CCDC191: variants seen among roughly 807,000 people sequenced by gnomAD.
CCDC191 encodes the protein coiled-coil domain-containing protein 191.
In CCDC191, 99 loss-of-function variants were observed where a neutral mutation model predicts 114.0. The ratio of observed to expected loss-of-function variants is 0.87; its 90% CI spans 0.74 to 1.03. The LOEUF is 1.03. Among genes scored for constraint, CCDC191 ranks in the 50% least tolerant of loss-of-function variants. CCDC191 has a pLI of 0.00. For missense variants in CCDC191, 973 were observed against 1,087.0 expected, an observed-to-expected ratio of 0.90 and a Z score of 1.47; for synonymous variants, 351 against 376.0, an observed-to-expected ratio of 0.93 and a Z score of 0.77.
chr3:114,016,458 C>G (rs1390675841), intron 8 of CCDC191, among the ~76,000 whole-genome samples: 1 of 152,206 alleles, frequency 6.6e-6, no homozygotes, highest in Non-Finnish European at 1.5e-5. Flanking sequence ...CTTTTATCAT[C>G]TGTAAAATGA....
intron 1 of CCDC191, among the ~76,000 whole-genome samples, chr3:114,056,031 G>C (rs2107774622): frequency 6.6e-6 from 1 of 151,372 alleles, no homozygotes; most frequent in Non-Finnish European, 1.5e-5. Flanking sequence ...AAAAAAAAGA[G>C]AGAGAAAAAG....
At chr3:113,988,839 G>A (rs1389970398) in intron 13 of CCDC191, among the ~76,000 whole-genome samples, 3 of 151,890 alleles carry the variant, frequency 2.0e-5, no homozygotes, top group Non-Finnish European at 4.4e-5. Context: ...TGTCACCGAG[G>A]CTGGAGTGCA....
At chr3:114,012,954 A>T (rs2107685243) in intron 8 of CCDC191, among the ~76,000 whole-genome samples, 1 of 152,330 alleles carries the variant, frequency 6.6e-6, no homozygotes, top group Non-Finnish European at 1.5e-5. Flanking sequence ...GTGCGGGGAT[A>T]TGAAAATGTA....
At chr3:113,979,915 C>T (rs893393729) in intron 14 of CCDC191, among the ~76,000 whole-genome samples, 15 of 152,114 alleles carry the variant, frequency 9.9e-5, no homozygotes, top group South Asian at 4.2e-4. Context: ...GAAATTTCTG[C>T]GGTGTCTGAT....
intron 7 of CCDC191, among the ~76,000 whole-genome samples, chr3:114,025,809 C>T (rs1460273502): frequency 6.6e-6 from 1 of 152,104 alleles, no homozygotes; most frequent in African/African-American, 2.4e-5. Context: ...TGTTACCTGC[C>T]CACCCTTCAT....
intron 9 of CCDC191, 83 bp from the exon 10 acceptor site, chr3:114,006,045 T>G (rs1391527199): frequency 7.2e-6 from 9 of 1,256,842 alleles, no homozygotes; most frequent in Non-Finnish European, 1.0e-5. Context: ...CAGTATTGTT[T>G]TGTTTAATGG....
intron 16 of CCDC191, 148 bp downstream of exon 16, chr3:113,978,038 C>T: frequency 1.3e-6 from 1 of 766,904 alleles, no homozygotes. Flanking sequence ...TATTACATTG[C>T]TGGTGAGCCG....
intron 13 of CCDC191, among the ~76,000 whole-genome samples, chr3:113,993,238 C>T (rs148607732): frequency 1.5e-4 from 23 of 152,066 alleles, no homozygotes; most frequent in African/African-American, 5.5e-4. Flanking sequence ...TTGAGACCAC[C>T]CTGGGTAACA....
chr3:113,991,632 A>C (rs1440126899), intron 13 of CCDC191, among the ~76,000 whole-genome samples: 1 of 152,210 alleles, frequency 6.6e-6, no homozygotes, highest in East Asian at 1.9e-4. Flanking sequence ...TTCTCTCATC[A>C]TGCCTATTCC....
rs373007005 is a variant in CCDC191 at position 113,993,839 on chromosome 3, C to T, written c.2163+7756G>A. 5.3e-5 allele frequency among the ~76,000 whole-genome samples: 8 copies of T among 151,886 alleles called. No homozygotes were observed. In the South Asian group the frequency reaches 1.2e-3, roughly 24 times the overall value. On this transcript the variant is annotated intron_variant, in intron 13 of 16. Coordinates refer to ENST00000295878, the MANE Select transcript of CCDC191 (RefSeq NM_020817.2). Reference sequence around the variant, plus strand: ...GGTGGAGGTTGCAGTGAGCCGAGATCGTGCCACTGCACTCCAGCCTGGGTG... The same window carrying T: ...GGTGGAGGTTGCAGTGAGCCGAGATTGTGCCACTGCACTCCAGCCTGGGTG...
rs1433888714 is a variant in CCDC191 at position 114,018,786 on chromosome 3, TCAGA to T, written c.1051_1054del (p.Ser351ThrfsTer6). 6.2e-7 allele frequency: 1 copy of T among 1,613,796 alleles called. No individual in the cohort carries two copies. The highest frequency in any genetic ancestry group is 8.5e-7 in the Non-Finnish European group (1 of 1,179,888). ...CAGGACCTTCAGCTGAATCTTCCAG[TCAGA>T]CAGGGTCCCAGCTTTCCCCAGCTTA... is the stretch of plus-strand genomic sequence containing the variant. On this transcript the variant is annotated frameshift_variant, in exon 8 of 17. Transcript: ENST00000295878. LOFTEE classifies it high-confidence loss of function.
At chr3:113,968,942 A>T (rs1373305662) in intron 16 of CCDC191, among the ~76,000 whole-genome samples, 6 of 152,202 alleles carry the variant, frequency 3.9e-5, no homozygotes, top group Non-Finnish European at 7.3e-5. Context: ...CTGTACAAGA[A>T]GTATGGCACT....
intron 6 of CCDC191, among the ~76,000 whole-genome samples, chr3:114,032,960 T>G (rs542778750): frequency 6.6e-6 from 1 of 152,290 alleles, no homozygotes; most frequent in South Asian, 2.1e-4. Flanking sequence ...ATAGTGATTG[T>G]CAAAGAAATA....
chr3:113,978,124 G>C, intron 16 of CCDC191, 62 bp downstream of exon 16: 1 of 1,577,594 alleles, frequency 6.3e-7, no homozygotes, highest in Non-Finnish European at 8.7e-7. Context: ...TGTAGGAGCA[G>C]AATATATTGC....
intron 16 of CCDC191, among the ~76,000 whole-genome samples, chr3:113,967,598 A>AT (rs2107550548): frequency 6.6e-6 from 1 of 152,252 alleles, no homozygotes; most frequent in Admixed American, 6.5e-5. Context: ...GGTATTTGGG[A>AT]TATCCATCAC....
chr3:114,015,614 C>T (rs1435738411), intron 8 of CCDC191, among the ~76,000 whole-genome samples: 1 of 152,050 alleles, frequency 6.6e-6, no homozygotes, highest in African/African-American at 2.4e-5. Context: ...AAAATGAACA[C>T]ACTAAGGAAA....
chr3:113,967,108 A>T (rs1204458622), intron 16 of CCDC191, among the ~76,000 whole-genome samples: 1 of 64,576 alleles, frequency 1.5e-5, no homozygotes, highest in Non-Finnish European at 4.6e-5. Context: ...TCAAAAAAAG[A>T]AAAAAAGAAA....
chr3:114,051,695 A>G (rs1452746922), intron 2 of CCDC191, among the ~76,000 whole-genome samples: 1 of 152,178 alleles, frequency 6.6e-6, no homozygotes, highest in Admixed American at 6.5e-5. Flanking sequence ...TACCCTTTCC[A>G]TATATTCTCC....
chr3:114,016,291 G>A (rs1171606049), intron 8 of CCDC191, among the ~76,000 whole-genome samples: 1 of 152,160 alleles, frequency 6.6e-6, no homozygotes, highest in Non-Finnish European at 1.5e-5. Flanking sequence ...TAGAAAGAAT[G>A]CTTCAAAACC....
Sources: allele counts gnomAD v4.1 joint callset (sites outside exome capture counted in the v4.1 genomes callset), GRCh38; gene constraint gnomAD v4.1.1; transcripts MANE v1.5; gene names NCBI Gene and HGNC (gene_info 2026-07-23, HGNC 2026-07-21).